TIAM1: variants seen among roughly 807,000 people sequenced by gnomAD.
The protein encoded by TIAM1 is TIAM Rac1 associated GEF 1.
A neutral mutation model predicts 163.5 loss-of-function variants in TIAM1; 65 were observed. The observed-to-expected ratio is 0.40, with a 90% confidence interval of 0.33 to 0.49. TIAM1 has a LOEUF of 0.49. Among genes scored for constraint, TIAM1 ranks in the 20% least tolerant of loss-of-function variants. The probability of loss-of-function intolerance (pLI) is 0.77; values close to 1 mark genes in which losing one functional copy is unlikely to be tolerated. For synonymous variants in TIAM1, 833 were observed against 810.1 expected (o/e 1.03, Z -0.48); for missense variants, 1,789 against 2,044.7 (o/e 0.87, Z 2.41).
chr21:31,164,142 G>A (rs1032834426), intron 16 of TIAM1, among the ~76,000 whole-genome samples: 14 of 152,226 alleles, frequency 9.2e-5, no homozygotes, highest in Admixed American at 7.2e-4. Context: ...TGTAATCCCA[G>A]CACTTTGGGA....
At chr21:31,557,028 T>C (rs929232622) in intron 1 of TIAM1, among the ~76,000 whole-genome samples, 2 of 152,232 alleles carry the variant, frequency 1.3e-5, no homozygotes, top group African/African-American at 4.8e-5. Flanking sequence ...TTAATCACTT[T>C]CCACAGCAGT....
intron 12 of TIAM1, among the ~76,000 whole-genome samples, chr21:31,196,172 T>A (rs1162485947): frequency 6.6e-6 from 1 of 152,042 alleles, no homozygotes; most frequent in Non-Finnish European, 1.5e-5. Flanking sequence ...AATGTACACA[T>A]CGCTAATTAT....
intron 2 of TIAM1, among the ~76,000 whole-genome samples, chr21:31,353,095 C>T (rs2076260812): frequency 6.6e-6 from 1 of 152,128 alleles, no homozygotes; most frequent in African/African-American, 2.4e-5. Flanking sequence ...CACCCTTGCA[C>T]AGTATGCTGG....
chr21:31,409,537 C>G (rs912606560), intron 2 of TIAM1, among the ~76,000 whole-genome samples: 1 of 152,160 alleles, frequency 6.6e-6, no homozygotes, highest in South Asian at 2.1e-4. Flanking sequence ...CTCCGCACAC[C>G]GACTTCCTGC....
intron 6 of TIAM1, among the ~76,000 whole-genome samples, chr21:31,243,005 G>C (rs1287021128): frequency 1.3e-5 from 2 of 150,698 alleles, no homozygotes; most frequent in African/African-American, 4.8e-5. Flanking sequence ...TGACTAACAT[G>C]GAGAAACCCC....
intron 7 of TIAM1, 76 bp from the exon 8 acceptor site, chr21:31,223,667 A>C (rs2087763233): frequency 7.0e-7 from 1 of 1,419,298 alleles, no homozygotes; most frequent in Non-Finnish European, 9.4e-7. Flanking sequence ...TCCTATACAG[A>C]TCTATATGTC....
At chr21:31,376,061 T>G (rs1424366808) in intron 2 of TIAM1, among the ~76,000 whole-genome samples, 1 of 151,856 alleles carries the variant, frequency 6.6e-6, no homozygotes, top group Non-Finnish European at 1.5e-5. Flanking sequence ...TAGAAAAAAA[T>G]AGAGTCCTTT....
chr21:31,293,989 A>T (rs752718542), intron 2 of TIAM1, among the ~76,000 whole-genome samples: 1 of 152,214 alleles, frequency 6.6e-6, no homozygotes, highest in Non-Finnish European at 1.5e-5. Flanking sequence ...GGTCCTGGGT[A>T]CATAAGCTAC....
chr21:31,543,556 C>T (rs548961585), intron 1 of TIAM1, among the ~76,000 whole-genome samples: 1 of 152,074 alleles, frequency 6.6e-6, no homozygotes, highest in Non-Finnish European at 1.5e-5. Flanking sequence ...CTTCAAGTCA[C>T]GGAGGAAGCA....
At chr21:31,432,805 CTG>C (rs540645173) in intron 2 of TIAM1, among the ~76,000 whole-genome samples, 147 of 152,260 alleles carry the variant, frequency 9.7e-4, no homozygotes, top group Admixed American at 1.6e-3. Flanking sequence ...TGGGGCCAGA[CTG>C]TGGAAGGTCT....
At chr21:31,396,086 T>C (rs725803) in intron 2 of TIAM1, among the ~76,000 whole-genome samples, 2 of 152,124 alleles carry the variant, frequency 1.3e-5, no homozygotes, top group African/African-American at 2.4e-5. Context: ...AATTATTATA[T>C]GATGGGAATT....
chr21:31,139,691 T>C (rs891378260), intron 22 of TIAM1, among the ~76,000 whole-genome samples: 1 of 152,198 alleles, frequency 6.6e-6, no homozygotes, highest in Non-Finnish European at 1.5e-5. Context: ...TTCTATACTC[T>C]GATAGATTAA....
intron 13 of TIAM1, among the ~76,000 whole-genome samples, chr21:31,194,083 C>T (rs758047928): frequency 2.0e-5 from 3 of 152,090 alleles, no homozygotes; most frequent in East Asian, 1.9e-4. Context: ...CCGGAAGACC[C>T]ACTCGGGCAC....
At chr21:31,413,772 C>A (rs974625725) in intron 2 of TIAM1, among the ~76,000 whole-genome samples, 1 of 152,092 alleles carries the variant, frequency 6.6e-6, no homozygotes, top group Non-Finnish European at 1.5e-5. Flanking sequence ...ATTTGAAGTC[C>A]CAGGCAAAGA....
intron 1 of TIAM1, among the ~76,000 whole-genome samples, chr21:31,555,646 G>A (rs567381229): frequency 2.0e-5 from 3 of 151,936 alleles, no homozygotes; most frequent in Admixed American, 6.6e-5. Flanking sequence ...CCCCTCTCCC[G>A]GCACAGATTT....
chr21:31,217,891 G>C (rs578154859), intron 8 of TIAM1, among the ~76,000 whole-genome samples, 192 bp from the exon 9 acceptor site: 2 of 152,312 alleles, frequency 1.3e-5, no homozygotes, highest in Admixed American at 1.3e-4. Context: ...CATGGATTCA[G>C]AATGGAAATG....
chr21:31,471,291 G>GT (rs1176669715), intron 1 of TIAM1, among the ~76,000 whole-genome samples: 1 of 152,200 alleles, frequency 6.6e-6, no homozygotes, highest in Non-Finnish European at 1.5e-5. Context: ...CAGGAGCTGT[G>GT]TGGGGAGGAT....
intron 2 of TIAM1, among the ~76,000 whole-genome samples, chr21:31,325,934 GT>G (rs1347678686): frequency 6.6e-6 from 1 of 152,146 alleles, no homozygotes; most frequent in Non-Finnish European, 1.5e-5. Context: ...TTTAGAAATT[GT>G]TTAAAATGGA....
intron 2 of TIAM1, among the ~76,000 whole-genome samples, chr21:31,304,960 T>C (rs2074642769): frequency 6.6e-6 from 1 of 152,222 alleles, no homozygotes; most frequent in South Asian, 2.1e-4. Flanking sequence ...CCCAAAGTGC[T>C]GGGATTATAG....
Sources: gnomAD v4.1 joint callset for allele counts (sites outside exome capture counted in the v4.1 genomes callset) on GRCh38, gnomAD v4.1.1 for gene constraint, MANE v1.5 for transcripts, NCBI Gene and HGNC (gene_info 2026-07-23, HGNC 2026-07-21) for gene names.